The following FBXL7 variants were observed in gnomAD, a reference collection of about 807,000 sequenced individuals.
The protein encoded by FBXL7 is F-box and leucine rich repeat protein 7, also known as F-box/LRR-repeat protein 7.
In FBXL7, 12 loss-of-function variants were observed where a neutral mutation model predicts 38.3. The ratio of observed to expected loss-of-function variants is 0.31; its 90% confidence interval spans 0.20 to 0.51. The LOEUF (loss-of-function observed/expected upper bound fraction) is 0.51, where lower values mean the gene tolerates loss of function less well. Ranked by LOEUF, FBXL7 falls within the 20% of genes least tolerant of loss-of-function variation. The pLI is 0.98. For synonymous variants in FBXL7, 297 were observed against 300.9 expected, an observed-to-expected ratio of 0.99 and a Z score of 0.13; for missense variants, 567 against 676.4, an observed-to-expected ratio of 0.84 and a Z score of 1.79.
chr5:15,791,092 T>C (rs1737266484), intron 2 of FBXL7, among the ~76,000 whole-genome samples: 1 of 148,364 alleles, frequency 6.7e-6, no homozygotes, highest in African/African-American at 2.5e-5. Context: ...GGTTATTGCA[T>C]GTATCTAAGC....
intron 1 of FBXL7, among the ~76,000 whole-genome samples, chr5:15,600,933 TA>T (rs1020248560): frequency 6.6e-6 from 1 of 152,210 alleles, no homozygotes; most frequent in African/African-American, 2.4e-5. Context: ...ACTCAAAGGA[TA>T]ATGCTGCCTC....
At chr5:15,711,304 C>T (rs781660084) in intron 2 of FBXL7, among the ~76,000 whole-genome samples, 12 of 152,300 alleles carry the variant, frequency 7.9e-5, no homozygotes, top group East Asian at 1.9e-4. Context: ...TCTTCAAGCT[C>T]GGCCTCCATG....
At chr5:15,585,406 T>G (rs562447757) in intron 1 of FBXL7, among the ~76,000 whole-genome samples, 3 of 152,198 alleles carry the variant, frequency 2.0e-5, no homozygotes, top group Non-Finnish European at 2.9e-5. Context: ...AGCTACCTAC[T>G]TACATGGAAA....
intron 2 of FBXL7, among the ~76,000 whole-genome samples, chr5:15,816,474 C>T (rs1469946371): frequency 2.0e-5 from 3 of 151,474 alleles, no homozygotes; most frequent in Admixed American, 6.6e-5. Flanking sequence ...GTATAATGGA[C>T]ATTGAAGACT....
chr5:15,673,782 T>A (rs112926415), intron 2 of FBXL7, among the ~76,000 whole-genome samples: 4,483 of 152,020 alleles, frequency 0.029, 141 homozygotes, highest in African/African-American at 0.084. Flanking sequence ...TATTATTATT[T>A]TTTTTTTTAG....
chr5:15,539,256 C>T (rs1342641207), intron 1 of FBXL7, among the ~76,000 whole-genome samples: 1 of 152,174 alleles, frequency 6.6e-6, no homozygotes, highest in Non-Finnish European at 1.5e-5. Context: ...GCTCCGATGG[C>T]TGCAGGAATG....
At chr5:15,741,348 A>AT (rs1296351637) in intron 2 of FBXL7, among the ~76,000 whole-genome samples, 1 of 152,174 alleles carries the variant, frequency 6.6e-6, no homozygotes, top group African/African-American at 2.4e-5. Context: ...TCCGTTGGTG[A>AT]TTTACCCATT....
intron 2 of FBXL7, among the ~76,000 whole-genome samples, chr5:15,619,084 T>A (rs1740541331): frequency 6.6e-6 from 1 of 152,214 alleles, no homozygotes; most frequent in South Asian, 2.1e-4. Context: ...GTGGTCTTCC[T>A]GCATGCGCGG....
At chr5:15,681,136 C>T (rs1226728382) in intron 2 of FBXL7, among the ~76,000 whole-genome samples, 1 of 152,156 alleles carries the variant, frequency 6.6e-6, no homozygotes, top group African/African-American at 2.4e-5. Context: ...ACTGCTTTAA[C>T]CTTTCTGGAG....
intron 1 of FBXL7, among the ~76,000 whole-genome samples, chr5:15,567,920 A>G (rs934328953): frequency 3.3e-5 from 5 of 152,280 alleles, no homozygotes; most frequent in African/African-American, 1.2e-4. Context: ...TACAAAAGAC[A>G]TATACTCATC....
intron 2 of FBXL7, among the ~76,000 whole-genome samples, chr5:15,631,546 A>T (rs568852668): frequency 1.3e-5 from 2 of 151,708 alleles, no homozygotes; most frequent in Non-Finnish European, 2.9e-5. Context: ...AAATACAAAA[A>T]ATTAGCCAGG....
chr5:15,708,535 T>C lies in FBXL7; in HGVS notation c.127+92463T>C, dbSNP rs141947424. On this transcript the variant is annotated intron_variant, in intron 2 of 3. Transcript: ENST00000504595. ...CTGAACTTGAGTGCCAGCACTTCAT[T>C]GCTGATGCCAAACACCACATTGCCT... 6.6e-3 allele frequency among the ~76,000 whole-genome samples: 1,007 copies of C among 152,344 alleles called. 11 individuals carry two copies. Among genetic ancestry groups the C allele is most frequent in the African/African-American group, 0.023 (956 of 41,588 alleles).
intron 2 of FBXL7, among the ~76,000 whole-genome samples, chr5:15,619,113 G>A (rs1409340946): frequency 6.6e-6 from 1 of 152,112 alleles, no homozygotes; most frequent in Non-Finnish European, 1.5e-5. Flanking sequence ...TTACCCTTAG[G>A]AACTGAGCAT....
intron 1 of FBXL7, among the ~76,000 whole-genome samples, chr5:15,554,741 T>C (rs965471399): frequency 6.6e-6 from 1 of 152,166 alleles, no homozygotes; most frequent in Non-Finnish European, 1.5e-5. Context: ...TGGGTTAGAA[T>C]TCCTGGGATC....
chr5:15,544,088 C>G (rs1371059542), intron 1 of FBXL7, among the ~76,000 whole-genome samples: 1 of 152,206 alleles, frequency 6.6e-6, no homozygotes, highest in Non-Finnish European at 1.5e-5. Context: ...AATATGAGTG[C>G]AGAACTGCCT....
In FBXL7 at chr5:15,731,371, G is replaced by C. The variant is rs1440423214; in HGVS notation, c.127+115299G>C. 2.0e-5 allele frequency among the ~76,000 whole-genome samples: 3 copies of C among 152,168 alleles called. No homozygotes were observed. The South Asian group carries it at 6.2e-4, about 32-fold the overall frequency. The stretch of plus-strand genomic sequence containing the variant: ...GACAGGCAAAGAGAAAGCTTGTGCA[G>C]AGAAACTCCCATTTTTAAAACCATC... On this transcript the variant is annotated intron_variant, in intron 2 of 3. Coordinates refer to ENST00000504595, the MANE Select transcript of FBXL7 (RefSeq NM_012304.5).
At chr5:15,846,731 G>C (rs1442220570) in intron 2 of FBXL7, among the ~76,000 whole-genome samples, 1 of 152,108 alleles carries the variant, frequency 6.6e-6, no homozygotes, top group East Asian at 1.9e-4. Flanking sequence ...GGGAGAGAGA[G>C]AAAGAGAAGA....
At chr5:15,918,210 G>A (rs1579600373) in intron 2 of FBXL7, among the ~76,000 whole-genome samples, 2 of 152,196 alleles carry the variant, frequency 1.3e-5, no homozygotes, top group African/African-American at 4.8e-5. Flanking sequence ...CTGCACTCCA[G>A]CCTGGGTGAC....
intron 2 of FBXL7, among the ~76,000 whole-genome samples, chr5:15,806,789 G>T (rs184073793): frequency 8.6e-4 from 131 of 152,290 alleles, no homozygotes; most frequent in African/African-American, 3.0e-3. Flanking sequence ...CTTCTCTAAG[G>T]AATGCGGCAG....
Sources: allele counts gnomAD v4.1 joint callset (sites outside exome capture counted in the v4.1 genomes callset), GRCh38; gene constraint gnomAD v4.1.1; transcripts MANE v1.5; gene names NCBI Gene and HGNC (gene_info 2026-07-23, HGNC 2026-07-21).